Variants in HEMK2 observed in about 807,000 individuals in gnomAD.
HEMK2 encodes HemK methyltransferase 2, ETF1 glutamine and histone H4 lysine.
At chr21:28,586,895 T>C in the HEMK2 span, among the ~76,000 whole-genome samples, 1 of 152,178 alleles carries the variant, frequency 6.6e-6, no homozygotes, top group South Asian at 2.1e-4. Flanking sequence ...GCTCTGCCCT[T>C]ATGACCTAAT....
the HEMK2 span, among the ~76,000 whole-genome samples, chr21:28,755,736 A>G: frequency 6.6e-6 from 1 of 152,218 alleles, no homozygotes; most frequent in African/African-American, 2.4e-5. Context: ...CTACACAGGT[A>G]TGAGGCGATG....
At chr21:28,640,079 C>A in the HEMK2 span, among the ~76,000 whole-genome samples, 1 of 152,174 alleles carries the variant, frequency 6.6e-6, no homozygotes, top group Non-Finnish European at 1.5e-5. Context: ...CAGAGGAAAC[C>A]CACAGTCTCT....
the HEMK2 span, among the ~76,000 whole-genome samples, chr21:28,774,733 G>C: frequency 0.055 from 8,421 of 152,254 alleles, 318 homozygotes; most frequent in Middle Eastern, 0.088. Context: ...AGGTCACTAA[G>C]AGTAGAAATA....
At chr21:28,779,995 T>G in the HEMK2 span, among the ~76,000 whole-genome samples, 2 of 152,158 alleles carry the variant, frequency 1.3e-5, no homozygotes, top group South Asian at 4.1e-4. Flanking sequence ...CCATCATCTG[T>G]GTCACTTTAA....
the HEMK2 span, among the ~76,000 whole-genome samples, chr21:28,599,986 A>G: frequency 1.3e-5 from 2 of 152,186 alleles, no homozygotes; most frequent in African/African-American, 4.8e-5. Context: ...GGGCAGCTCC[A>G]CCACTGTGGC....
the HEMK2 span, among the ~76,000 whole-genome samples, chr21:28,860,220 T>C: frequency 0.13 from 19,418 of 151,992 alleles, 1,358 homozygotes; most frequent in South Asian, 0.17. Context: ...TCTACTCAGC[T>C]CCCAGCGTGC....
the HEMK2 span, among the ~76,000 whole-genome samples, chr21:28,879,588 A>C: frequency 1.3e-5 from 2 of 152,246 alleles, no homozygotes; most frequent in Admixed American, 1.3e-4. Flanking sequence ...TAAAGGATAC[A>C]TGTAATATAT....
At chr21:28,784,155 G>C in the HEMK2 span, among the ~76,000 whole-genome samples, 7 of 152,376 alleles carry the variant, frequency 4.6e-5, no homozygotes, top group Admixed American at 2.6e-4. Context: ...ACACAGCGCG[G>C]GACTGGCAGG....
chr21:28,613,490 T>C, the HEMK2 span, among the ~76,000 whole-genome samples: 7 of 152,066 alleles, frequency 4.6e-5, no homozygotes, highest in Non-Finnish European at 1.0e-4. Context: ...TCCCACACTA[T>C]AGATGGGGAA....
At chr21:28,864,865 AGAT>A in the HEMK2 span, among the ~76,000 whole-genome samples, 2 of 131,308 alleles carry the variant, frequency 1.5e-5, no homozygotes, top group African/African-American at 5.5e-5. Context: ...ATAGATAGAT[AGAT>A]GGATGATAGG....
the HEMK2 span, among the ~76,000 whole-genome samples, chr21:28,760,593 A>G: frequency 1.3e-5 from 2 of 152,200 alleles, no homozygotes; most frequent in African/African-American, 4.8e-5. Flanking sequence ...AATATCACAT[A>G]TAGCATTAAC....
the HEMK2 span, among the ~76,000 whole-genome samples, chr21:28,733,897 T>C: frequency 6.6e-6 from 1 of 152,248 alleles, no homozygotes; most frequent in African/African-American, 2.4e-5. Context: ...ACGGCAGCGC[T>C]ATTGCTGATC....
the HEMK2 span, among the ~76,000 whole-genome samples, chr21:28,670,317 A>G: frequency 6.6e-6 from 1 of 152,244 alleles, no homozygotes; most frequent in African/African-American, 2.4e-5. Flanking sequence ...GATTAAAAAT[A>G]TTCTTAGTTT....
At chr21:28,842,165 C>T in the HEMK2 span, among the ~76,000 whole-genome samples, 1 of 152,176 alleles carries the variant, frequency 6.6e-6, no homozygotes, top group Non-Finnish European at 1.5e-5. Context: ...TAAACAGCAA[C>T]ATGCATATCA....
At chr21:28,764,688 A>G in the HEMK2 span, among the ~76,000 whole-genome samples, 1 of 152,238 alleles carries the variant, frequency 6.6e-6, no homozygotes, top group East Asian at 1.9e-4. Flanking sequence ...ATGCAAGTTG[A>G]TAACTCCTTT....
chr21:28,600,774 T>G, the HEMK2 span, among the ~76,000 whole-genome samples: 1 of 152,240 alleles, frequency 6.6e-6, no homozygotes, highest in African/African-American at 2.4e-5. Context: ...TTGGATGTTT[T>G]GCTGCTTAGA....
At chr21:28,689,292 A>G in the HEMK2 span, among the ~76,000 whole-genome samples, 5 of 152,352 alleles carry the variant, frequency 3.3e-5, no homozygotes, top group African/African-American at 9.6e-5. Context: ...ATAATCATTT[A>G]ATCACAAATG....
chr21:28,582,178 T>G, the HEMK2 span, among the ~76,000 whole-genome samples: 1 of 152,200 alleles, frequency 6.6e-6, no homozygotes, highest in African/African-American at 2.4e-5. Flanking sequence ...CAGTTTTCTG[T>G]TTGGGGACCA....
At chr21:28,863,780 T>C in the HEMK2 span, among the ~76,000 whole-genome samples, 9,188 of 152,168 alleles carry the variant, frequency 0.06, 322 homozygotes, top group Middle Eastern at 0.088. Context: ...TCTTATTCCT[T>C]GGCCTCACTG....
Sources: gnomAD v4.1 joint callset for allele counts (sites outside exome capture counted in the v4.1 genomes callset) on GRCh38, gnomAD v4.1.1 for gene constraint, MANE v1.5 for transcripts, NCBI Gene and HGNC (gene_info 2026-07-23, HGNC 2026-07-21) for gene names.